Variants in IGDCC4 observed in about 807,000 individuals in gnomAD.
IGDCC4 encodes likely ortholog of mouse neighbor of Punc E11.
A neutral mutation model predicts 116.6 loss-of-function variants in IGDCC4; 72 were observed. That is an observed-to-expected ratio of 0.62 (90% CI 0.51 to 0.75). IGDCC4 has a LOEUF of 0.75. IGDCC4 is among the 30% of genes least tolerant of loss of function. The pLI is 0.00. For missense variants in IGDCC4, 1,501 were observed against 1,662.4 expected (o/e 0.90, Z 1.69); for synonymous variants, 709 against 719.9 (o/e 0.98, Z 0.24).
At chr15:65,386,985 C>A (rs2091466810) in intron 16 of IGDCC4, among the ~76,000 whole-genome samples, 1 of 152,172 alleles carries the variant, frequency 6.6e-6, no homozygotes, top group Admixed American at 6.5e-5. Flanking sequence ...CTTGGATGGA[C>A]CCCACGCTTG....
Position 65,400,675 on chromosome 15 carries a change from A to ACC in IGDCC4, c.841+130_841+131insGG, listed in dbSNP as rs1316640614. The ACC allele has an allele frequency of 8.1e-5, 92 of 1,131,862 alleles. 1 individual carries two copies. Among genetic ancestry groups the ACC allele is most frequent in the Non-Finnish European group, 4.9e-6 (4 of 814,934 alleles). 70.1% of individuals were successfully genotyped at this position (1,131,862 alleles called of 1,614,324 possible). Reference sequence around the variant, plus strand: ...TTGACCACCACACCCAGCCCTGGGAAAGGAGTTCGTGCCACACCAGAAGGT... The same window carrying ACC: ...TTGACCACCACACCCAGCCCTGGGAACCAGGAGTTCGTGCCACACCAGAAGGT... On this transcript the variant is annotated intron_variant, in intron 5 of 19. Coordinates refer to ENST00000352385, the MANE Select transcript of IGDCC4 (RefSeq NM_020962.3).
chr15:65,419,458 C>T (rs950748678), intron 1 of IGDCC4, among the ~76,000 whole-genome samples: 1 of 152,068 alleles, frequency 6.6e-6, no homozygotes, highest in Non-Finnish European at 1.5e-5. Flanking sequence ...AAAAGAAATG[C>T]TAATTAACAT....
intron 1 of IGDCC4, 81 bp downstream of exon 1, chr15:65,422,712 C>A: frequency 8.9e-7 from 1 of 1,128,690 alleles, no homozygotes; most frequent in South Asian, 2.4e-5. Context: ...CTTGAGCCAG[C>A]CCCGCAGCCC....
At chr15:65,396,809 C>G (rs773740686) in intron 6 of IGDCC4, 25 bp downstream of exon 6, 64 of 1,552,816 alleles carry the variant, frequency 4.1e-5, no homozygotes, top group Middle Eastern at 3.5e-4. Flanking sequence ...CTAACCCGCT[C>G]CCTCCGCCCT....
chr15:65,407,870 G>A (rs1339651645), intron 3 of IGDCC4, among the ~76,000 whole-genome samples: 1 of 147,362 alleles, frequency 6.8e-6, no homozygotes. Flanking sequence ...TCCTGACCTT[G>A]TGATCCGCCC....
rs77237086 is a variant in IGDCC4 at position 65,397,380 on chromosome 15, G to A, written c.842-391C>T. On this transcript the variant is annotated intron_variant, in intron 5 of 19. Transcript: ENST00000352385. Reference sequence around the variant, plus strand: ...GCTGGTAAGGTCGGACCAAGCCAACGATTCGAATGCGCACAAAGTTTTACC... The same window carrying A: ...GCTGGTAAGGTCGGACCAAGCCAACAATTCGAATGCGCACAAAGTTTTACC... Among the ~76,000 whole-genome samples, 1,008 of 152,304 alleles carry A rather than the reference G, an allele frequency of 6.6e-3. 15 individuals are homozygous for A. Among genetic ancestry groups the A allele is most frequent in the African/African-American group, 0.023 (952 of 41,558 alleles).
At chr15:65,394,762 A>G (rs542574064) in intron 8 of IGDCC4, among the ~76,000 whole-genome samples, 29 of 152,250 alleles carry the variant, frequency 1.9e-4, no homozygotes, top group African/African-American at 5.8e-4. Flanking sequence ...TTGGAGCACA[A>G]TCTTCCACGT....
intron 12 of IGDCC4, among the ~76,000 whole-genome samples, chr15:65,390,551 A>G (rs111354926): frequency 0.02 from 3,069 of 152,310 alleles, 49 homozygotes; most frequent in Middle Eastern, 0.065. Flanking sequence ...AACGTAATAA[A>G]GAGAGAGGCA....
At chr15:65,390,015 G>C in intron 13 of IGDCC4, 140 bp downstream of exon 13, 1 of 710,796 alleles carries the variant, frequency 1.4e-6, no homozygotes, top group Non-Finnish European at 2.3e-6. Context: ...CCCTCTGTGT[G>C]GCCTCAGCGT....
intron 3 of IGDCC4, among the ~76,000 whole-genome samples, chr15:65,409,918 A>C (rs2063074224): frequency 6.6e-6 from 1 of 152,134 alleles, no homozygotes; most frequent in South Asian, 2.1e-4. Context: ...AAGTGGTTGG[A>C]CTAGATGTGC....
intron 18 of IGDCC4, 70 bp from the exon 19 acceptor site, chr15:65,385,185 A>C: frequency 6.8e-7 from 1 of 1,479,772 alleles, no homozygotes; most frequent in African/African-American, 1.4e-5. Context: ...AGCCCGGGGG[A>C]GGGAATTGGG....
In IGDCC4 at chr15:65,384,131, G is replaced by A. The variant is rs1249694326; in HGVS notation, c.3631C>T (p.Pro1211Ser). The change falls in exon 20 of 20, where the codon CCG becomes TCG. Residue 1211 changes from proline to serine, a missense_variant. By Grantham distance (74) the Pro-to-Ser change is moderately conservative (BLOSUM62 -1). Around this residue, in one of 3 missense-constraint regions of IGDCC4, gnomAD observed 368 missense variants for 355.6 expected, o/e 1.03. Transcript: ENST00000352385. This position sits in a 1 kb window ranked among gnomAD's most constrained non-coding sequence, Gnocchi z 4.9. The stretch of plus-strand genomic sequence containing the variant: ...AGCACCTCGCCTGGCTGGAGGTCCG[G>A]GTAGGAGCAGGAAGCACTGGCTGCC... The part of the protein sequence containing the change: ...PEAASASCSY[P>S]DLQPGEVLEE... 6.2e-7 allele frequency: 1 copy of A among 1,613,466 alleles called. No individual in the cohort carries two copies. Among genetic ancestry groups the A allele is most frequent in the Admixed American group, 1.7e-5 (1 of 59,930 alleles).
chr15:65,407,291 A>G (rs1011533157), intron 3 of IGDCC4, among the ~76,000 whole-genome samples: 2 of 92,302 alleles, frequency 2.2e-5, no homozygotes, highest in African/African-American at 7.3e-5. Context: ...TTGTTTTTGA[A>G]AAAAAAAAAA....
intron 12 of IGDCC4, among the ~76,000 whole-genome samples, chr15:65,390,899 C>T (rs1008102354): frequency 6.6e-6 from 1 of 152,184 alleles, no homozygotes. Flanking sequence ...TTAGTAGACA[C>T]TCAGCGAAAT....
In IGDCC4 at chr15:65,388,980, T is replaced by C; in HGVS notation, c.2537-2A>G. 1 of 1,579,784 alleles carries C rather than the reference T, an allele frequency of 6.3e-7. No individual in the cohort carries two copies. Among genetic ancestry groups the C allele is most frequent in the South Asian group, 1.1e-5 (1 of 87,094 alleles). On this transcript the variant is annotated splice_acceptor_variant, in intron 14 of 19. Transcript: ENST00000352385. LOFTEE classifies it high-confidence loss of function. ...GGTCGGATGGGGGTGTGGAGGGCCCTGGGGTGCGGGAGAGGAGATGGGGAG... is the reference window on the plus strand; with the variant it reads ...GGTCGGATGGGGGTGTGGAGGGCCCCGGGGTGCGGGAGAGGAGATGGGGAG...
chr15:65,413,827 G>A (rs2063119738), intron 1 of IGDCC4, among the ~76,000 whole-genome samples: 1 of 152,198 alleles, frequency 6.6e-6, no homozygotes, highest in African/African-American at 2.4e-5. Context: ...AGGGAATCAG[G>A]AGACCCTCGG....
In IGDCC4 at chr15:65,395,809, C is replaced by G; in HGVS notation, c.1352G>C (p.Arg451Pro). ...GATCTGCTCGCTGTGCATCTCGGGC[C>G]GCTCCCAGGCCACCAACACAGCGGA... ...SSSAVLVAWERPEMHSEQIIG... is the reference protein window; with the variant it reads ...SSSAVLVAWEPPEMHSEQIIG... The change falls in exon 7 of 20, where the codon CGG becomes CCG. Residue 451 changes from arginine to proline, a missense_variant. By Grantham distance (103) the Arg-to-Pro change is moderately radical (BLOSUM62 -2). Coordinates refer to ENST00000352385, the MANE Select transcript of IGDCC4 (RefSeq NM_020962.3). 6.7e-7 allele frequency: 1 copy of G among 1,503,082 alleles called. No homozygotes were observed. Among genetic ancestry groups the G allele is most frequent in the Non-Finnish European group, 8.9e-7 (1 of 1,122,330 alleles). The allele number at this position is 1,503,082 out of a possible 1,614,324, so 93.1% of individuals were successfully genotyped here.
At chr15:65,402,577 T>G in intron 3 of IGDCC4, 90 bp from the exon 4 acceptor site, 53 of 1,475,520 alleles carry the variant, frequency 3.6e-5, no homozygotes, top group Non-Finnish European at 4.1e-5. Flanking sequence ...ATTAAAACTC[T>G]AAGATACCAG....
intron 1 of IGDCC4, among the ~76,000 whole-genome samples, chr15:65,422,286 G>A (rs1461902729): frequency 1.3e-5 from 2 of 151,992 alleles, no homozygotes; most frequent in Non-Finnish European, 2.9e-5. Flanking sequence ...CTTCCCAAAT[G>A]CCAAGGCCAA....
Sources: gnomAD v4.1 joint callset for allele counts (sites outside exome capture counted in the v4.1 genomes callset) on GRCh38, gnomAD v4.1.1 for gene constraint, gnomAD v4.1.1 regional missense constraint, Gnocchi (gnomAD v3.1) non-coding constraint, MANE v1.5 for transcripts, NCBI Gene and HGNC (gene_info 2026-07-23, HGNC 2026-07-21) for gene names.